Variants in FOCAD observed in about 807,000 individuals in gnomAD.
FOCAD encodes the protein focadhesin.
FOCAD carries 198 observed loss-of-function variants against 225.6 expected under a neutral mutation model. The observed-to-expected ratio is 0.88, with a 90% CI of 0.78 to 0.99. The LOEUF (loss-of-function observed/expected upper bound fraction) is 0.99. Among genes scored for constraint, FOCAD ranks in the 50% least tolerant of loss-of-function variants. The pLI, the probability that FOCAD is intolerant of heterozygous loss-of-function variation, is 0.00. For missense variants in FOCAD, 2,713 were observed against 2,123.6 expected (o/e 1.28, Z -5.46); for synonymous variants, 897 against 755.0 (o/e 1.19, Z -3.08).
chr9:20,714,919 A>G (rs575704015), intron 1 of FOCAD, among the ~76,000 whole-genome samples: 67 of 152,302 alleles, frequency 4.4e-4, no homozygotes, highest in African/African-American at 1.6e-3. Flanking sequence ...CTTAGATGAA[A>G]GCTTGTGCCA....
chr9:20,806,418 C>T (rs1822461238), intron 11 of FOCAD, among the ~76,000 whole-genome samples: 1 of 152,050 alleles, frequency 6.6e-6, no homozygotes, highest in African/African-American at 2.4e-5. Flanking sequence ...AATCTGGAAC[C>T]CAGAACTAAT....
intron 2 of FOCAD, among the ~76,000 whole-genome samples, chr9:20,661,155 C>A (rs1821706174): frequency 6.6e-6 from 1 of 152,144 alleles, no homozygotes; most frequent in Non-Finnish European, 1.5e-5. Flanking sequence ...CTCTGATGTT[C>A]TTGGTCTTCT....
At chr9:20,895,415 A>C (rs1196265433) in intron 21 of FOCAD, among the ~76,000 whole-genome samples, 1 of 151,986 alleles carries the variant, frequency 6.6e-6, no homozygotes, top group African/African-American at 2.4e-5. Context: ...AAGAACTGAC[A>C]TCCTGACAAT....
intron 15 of FOCAD, among the ~76,000 whole-genome samples, chr9:20,857,451 C>T (rs991857913): frequency 1.3e-5 from 2 of 151,896 alleles, no homozygotes; most frequent in East Asian, 3.8e-4. Flanking sequence ...ATTTTGTATT[C>T]TGTGACTTTC....
At chr9:20,932,770 G>A (rs993573159) in intron 27 of FOCAD, among the ~76,000 whole-genome samples, 6 of 152,076 alleles carry the variant, frequency 3.9e-5, no homozygotes, top group African/African-American at 1.4e-4. Context: ...AAAAATAGGA[G>A]ATTTTGTGTT....
intron 20 of FOCAD, among the ~76,000 whole-genome samples, chr9:20,884,090 A>G (rs1830902539): frequency 6.6e-6 from 1 of 152,178 alleles, no homozygotes; most frequent in Non-Finnish European, 1.5e-5. Flanking sequence ...TGTGTTCATG[A>G]AGATTAATAT....
At chr9:20,841,657 T>C (rs778327840) in intron 15 of FOCAD, among the ~76,000 whole-genome samples, 24 of 151,864 alleles carry the variant, frequency 1.6e-4, no homozygotes, top group Non-Finnish European at 3.4e-4. Flanking sequence ...TTTTTTTAAT[T>C]AGTCTGGCTA....
intron 11 of FOCAD, among the ~76,000 whole-genome samples, chr9:20,806,076 T>TACAAGC (rs1822419747): frequency 6.6e-6 from 1 of 152,194 alleles, no homozygotes; most frequent in Non-Finnish European, 1.5e-5. Flanking sequence ...ATTTAGCATT[T>TACAAGC]ACAAGCACCT....
In FOCAD at chr9:20,735,734, G is replaced by A. The variant is rs139517813; in HGVS notation, c.288-4502G>A. ...AACGGGATCTCTCTATATTGCTCAG[G>A]CTGGTCTCAAACTCCTGACCTCAAG... On this transcript the variant is annotated intron_variant, in intron 4 of 43. Coordinates refer to ENST00000338382, the MANE Select transcript of FOCAD (RefSeq NM_001375567.1). Among the ~76,000 whole-genome samples the A allele has an allele frequency of 1.5e-3, 232 of 150,198 alleles. 1 individual carries two copies. Among genetic ancestry groups the A allele is most frequent in the African/African-American group, 5.3e-3 (215 of 40,834 alleles).
At chr9:20,878,818 T>A (rs978014637) in intron 19 of FOCAD, among the ~76,000 whole-genome samples, 6 of 152,064 alleles carry the variant, frequency 3.9e-5, no homozygotes, top group Non-Finnish European at 5.9e-5. Context: ...GGGAAGTGGG[T>A]GGTGTAACTC....
At chr9:20,964,326 C>G (rs952410190) in intron 35 of FOCAD, among the ~76,000 whole-genome samples, 2 of 152,088 alleles carry the variant, frequency 1.3e-5, no homozygotes, top group Non-Finnish European at 1.5e-5. Context: ...TGCTGCTGCA[C>G]TTACTTGCAG....
intron 28 of FOCAD, among the ~76,000 whole-genome samples, chr9:20,934,993 A>G (rs1056265783): frequency 1.3e-5 from 2 of 152,246 alleles, no homozygotes; most frequent in Non-Finnish European, 2.9e-5. Context: ...ATGGAAACAC[A>G]TCCCATGCTC....
intron 21 of FOCAD, among the ~76,000 whole-genome samples, chr9:20,894,138 T>G (rs1385964146): frequency 6.6e-6 from 1 of 152,110 alleles, no homozygotes; most frequent in Non-Finnish European, 1.5e-5. Context: ...GGTATATAGA[T>G]TTTTCAGACT....
At chr9:20,987,134 T>C (rs980558289) in intron 40 of FOCAD, among the ~76,000 whole-genome samples, 1 of 152,212 alleles carries the variant, frequency 6.6e-6, no homozygotes, top group African/African-American at 2.4e-5. Flanking sequence ...CTTGTGCGAC[T>C]CTGGACAAAT....
intron 41 of FOCAD, among the ~76,000 whole-genome samples, chr9:20,989,109 T>A (rs1243213739): frequency 6.6e-6 from 1 of 152,214 alleles, no homozygotes; most frequent in Non-Finnish European, 1.5e-5. Context: ...CATTTTGTAA[T>A]AGCAGAATTT....
chr9:20,878,080 C>T (rs1390033969), intron 19 of FOCAD, among the ~76,000 whole-genome samples: 1 of 151,894 alleles, frequency 6.6e-6, no homozygotes, highest in Admixed American at 6.6e-5. Context: ...TACTTACACA[C>T]AAAGTCAGTG....
chr9:20,990,427 C>A (rs1841550815), intron 42 of FOCAD, 53 bp downstream of exon 42: 1 of 1,592,116 alleles, frequency 6.3e-7, no homozygotes. Context: ...GTCTCTTCAG[C>A]AGTTTCTACT....
intron 6 of FOCAD, 75 bp downstream of exon 6, chr9:20,758,266 TTTTTG>T: frequency 9.9e-7 from 1 of 1,014,282 alleles, no homozygotes. Context: ...CTAGGGTTTT[TTTTTG>T]TTTGTTTGTT....
intron 11 of FOCAD, among the ~76,000 whole-genome samples, chr9:20,801,766 A>C (rs1283553839): frequency 6.6e-6 from 1 of 152,124 alleles, no homozygotes. Flanking sequence ...TGGGGTGTCA[A>C]AGAAAGGCAG....
Sources: gnomAD v4.1 joint callset for allele counts (sites outside exome capture counted in the v4.1 genomes callset) on GRCh38, gnomAD v4.1.1 for gene constraint, MANE v1.5 for transcripts, NCBI Gene and HGNC (gene_info 2026-07-23, HGNC 2026-07-21) for gene names.